The following FBLN1 variants were observed in gnomAD, a reference collection of about 807,000 sequenced individuals.
FBLN1 encodes fibulin 1.
A neutral mutation model predicts 89.7 loss-of-function variants in FBLN1; 34 were observed. The observed-to-expected ratio is 0.38, with a 90% CI of 0.29 to 0.50. The LOEUF is 0.50. Among genes scored for constraint, FBLN1 ranks in the 20% least tolerant of loss-of-function variants. FBLN1 has a pLI of 0.92. For missense variants in FBLN1, 777 were observed against 988.1 expected, an observed-to-expected ratio of 0.79 and a Z score of 2.86; for synonymous variants, 393 against 391.3, an observed-to-expected ratio of 1.00 and a Z score of -0.05.
intron 16 of FBLN1, among the ~76,000 whole-genome samples, chr22:45,598,914 G>A (rs760850459): frequency 2.6e-5 from 4 of 152,212 alleles, no homozygotes; most frequent in Non-Finnish European, 5.9e-5. Flanking sequence ...CAGCCTCTCC[G>A]CAGTGCAGTG....
At position 45,572,285 on chromosome 22, in the gene FBLN1, C is replaced by T. The variant is rs543440397; in HGVS notation, c.1698-2226C>T. ...CAGATAGCAAGAAAGCTGTGAAAGA[C>T]GACAAGGGCTGGGCCAAAAGGACCC... On this transcript the variant is annotated intron_variant, in intron 14 of 16. Coordinates refer to ENST00000327858, the MANE Select transcript of FBLN1 (RefSeq NM_006486.3). This position sits in a 1 kb window ranked among gnomAD's most constrained non-coding sequence, Gnocchi z 5.8. 3.3e-5 allele frequency among the ~76,000 whole-genome samples: 5 copies of T among 152,236 alleles called. No homozygotes were observed. The East Asian group carries it at 5.8e-4, about 18-fold the overall frequency.
Position 45,536,345 on chromosome 22 carries a change from T to A in FBLN1, c.922+1008T>A, listed in dbSNP as rs1282324885. Among the ~76,000 whole-genome samples, 1 of 151,916 alleles carries A rather than the reference T, an allele frequency of 6.6e-6. No homozygotes were observed. Among genetic ancestry groups the A allele is most frequent in the Non-Finnish European group, 1.5e-5 (1 of 68,002 alleles). ...AAGATGAAAAAGTTCTGGAGATGGA[T>A]GGGGGTGATGGTGGCACGACAGTGT... On this transcript the variant is annotated intron_variant, in intron 8 of 16. Transcript: ENST00000327858. This position sits in a 1 kb window ranked among gnomAD's most constrained non-coding sequence, Gnocchi z 5.1.
chr22:45,574,108 G>A lies in FBLN1; in HGVS notation c.1698-403G>A, dbSNP rs1024937415. 2.0e-5 allele frequency among the ~76,000 whole-genome samples: 3 copies of A among 152,290 alleles called. No individual in the cohort carries two copies. Among genetic ancestry groups the A allele is most frequent in the East Asian group, 1.9e-4 (1 of 5,192 alleles). ...GCCTCACTGTGGGCTCTGAGAAGGC[G>A]GGACCATGTGTCCCTTGTTCACTTT... On this transcript the variant is annotated intron_variant, in intron 14 of 16. Coordinates refer to ENST00000327858, the MANE Select transcript of FBLN1 (RefSeq NM_006486.3). This position sits in a 1 kb window ranked among gnomAD's most constrained non-coding sequence, Gnocchi z 4.1.
Position 45,531,470 on chromosome 22 carries a change from T to A in FBLN1, c.544+146T>A. ...AGGAGGTTGTGGCTGCAGTGAGCTA[T>A]GACTGCACCTTTGCACTCTAGCCTG... On this transcript the variant is annotated intron_variant, in intron 5 of 16. Coordinates refer to ENST00000327858, the MANE Select transcript of FBLN1 (RefSeq NM_006486.3). This position sits in a 1 kb window ranked among gnomAD's most constrained non-coding sequence, Gnocchi z 4.9. The A allele has an allele frequency of 1.4e-6, 1 of 712,262 alleles. No homozygotes were observed. The highest frequency in any genetic ancestry group is 2.5e-6 in the Non-Finnish European group (1 of 397,292). The allele number at this position is 712,262 out of a possible 1,614,324, so 44.1% of individuals were successfully genotyped here.
chr22:45,551,426 C>T (rs1055864966), intron 14 of FBLN1, among the ~76,000 whole-genome samples: 5 of 152,200 alleles, frequency 3.3e-5, no homozygotes, highest in South Asian at 2.1e-4. Flanking sequence ...CAGCTGCCCC[C>T]GCGACCTGAG....
intron 14 of FBLN1, among the ~76,000 whole-genome samples, chr22:45,568,243 CA>C (rs1355253727): frequency 4.6e-5 from 7 of 152,214 alleles, no homozygotes; most frequent in Admixed American, 3.9e-4. Context: ...GCATCAAGGT[CA>C]AATTCCATGG....
Position 45,502,927 on chromosome 22 carries a change from C to T in FBLN1, c.-59C>T, listed in dbSNP as rs908941679. 1.9e-5 allele frequency: 14 copies of T among 751,806 alleles called. 1 individual carries two copies. The highest frequency in any genetic ancestry group is 2.1e-5 in the Non-Finnish European group (13 of 605,326). 46.6% of individuals were successfully genotyped at this position (751,806 alleles called of 1,614,324 possible). A position where few individuals can be genotyped will look rare whatever the true frequency, so the allele number is the denominator to read the frequency against. On this transcript the variant is annotated 5_prime_UTR_variant, in exon 1 of 17. Coordinates refer to ENST00000327858, the MANE Select transcript of FBLN1 (RefSeq NM_006486.3). ...CCGGAGCGTGGAGCCCGCGCCGCTG[C>T]CCCAGGACCGCGCCCGCGCCTTTGT...
chr22:45,575,823 C>T lies in FBLN1; in HGVS notation c.1841-1154C>T, dbSNP rs2088992444. The stretch of plus-strand genomic sequence containing the variant: ...TTCCTGGCTGTGCTGCCCGTGTGCC[C>T]GGTCCCCAACCACCCCCGCCCTCTA... On this transcript the variant is annotated intron_variant, in intron 15 of 16. Coordinates refer to ENST00000327858, the MANE Select transcript of FBLN1 (RefSeq NM_006486.3). This position sits in a 1 kb window ranked among gnomAD's most constrained non-coding sequence, Gnocchi z 6.3. Among the ~76,000 whole-genome samples, 2 of 152,174 alleles carry T rather than the reference C, an allele frequency of 1.3e-5. No homozygotes were observed. Among genetic ancestry groups the T allele is most frequent in the South Asian group, 2.1e-4 (1 of 4,832 alleles).
rs2088806727 is a variant in FBLN1 at position 45,557,745 on chromosome 22, A to G, written c.1697+7130A>G. On this transcript the variant is annotated intron_variant, in intron 14 of 16. Transcript: ENST00000327858. This position sits in a 1 kb window ranked among gnomAD's most constrained non-coding sequence, Gnocchi z 4.9. ...AGTTTTTGACCACTCAGAGAGGTCT[A>G]TCCACATACCTCTTCCCCAAATTTC... Among the ~76,000 whole-genome samples the G allele has an allele frequency of 6.6e-6, 1 of 152,226 alleles. No homozygotes were observed. The highest frequency in any genetic ancestry group is 2.4e-5 in the African/African-American group (1 of 41,454).
chr22:45,505,557 G>A (rs2088008012), intron 1 of FBLN1, among the ~76,000 whole-genome samples: 1 of 152,220 alleles, frequency 6.6e-6, no homozygotes, highest in Non-Finnish European at 1.5e-5. Context: ...TAGGGCAGGA[G>A]TAGGGGCACG....
chr22:45,533,457 C>T (rs1300773379), intron 6 of FBLN1, among the ~76,000 whole-genome samples: 4 of 152,214 alleles, frequency 2.6e-5, no homozygotes, highest in Admixed American at 1.3e-4. Flanking sequence ...CCTTCAGCCT[C>T]TCCTGGCCCC....
chr22:45,587,430 C>T (rs1406092214), intron 16 of FBLN1, among the ~76,000 whole-genome samples: 1 of 151,138 alleles, frequency 6.6e-6, no homozygotes, highest in East Asian at 2.0e-4. Flanking sequence ...CATCCATCCC[C>T]GCTGCCCGGC....
intron 16 of FBLN1, among the ~76,000 whole-genome samples, chr22:45,587,115 G>A (rs8136296): frequency 0.68 from 102,707 of 151,392 alleles, 35,633 homozygotes; most frequent in African/African-American, 0.81. Context: ...CTCTCCCCTC[G>A]TCATGTACGT....
intron 8 of FBLN1, 108 bp from the exon 9 acceptor site, chr22:45,541,121 G>C: frequency 7.0e-7 from 1 of 1,420,918 alleles, no homozygotes; most frequent in South Asian, 1.2e-5. Flanking sequence ...CCCTCCATTT[G>C]TGGTTTTGCA....
intron 9 of FBLN1, among the ~76,000 whole-genome samples, chr22:45,541,695 T>C (rs1414484447): frequency 6.6e-6 from 1 of 152,164 alleles, no homozygotes; most frequent in East Asian, 1.9e-4. Flanking sequence ...CTGGCCCAAC[T>C]CCACAAACCT....
At chr22:45,599,378 A>C (rs185565649) in intron 16 of FBLN1, among the ~76,000 whole-genome samples, 32 of 152,302 alleles carry the variant, frequency 2.1e-4, no homozygotes, top group African/African-American at 7.7e-4. Flanking sequence ...CAGTGAGCTC[A>C]GGTGTCAGCC....
chr22:45,544,583 A>G (rs62225015), intron 11 of FBLN1, among the ~76,000 whole-genome samples: 9,284 of 152,320 alleles, frequency 0.061, 528 homozygotes, highest in Admixed American at 0.17. Context: ...TCTAAGGAAC[A>G]TGGAGGTCAG....
chr22:45,543,555 C>A (rs757513972), intron 11 of FBLN1, 29 bp downstream of exon 11: 3 of 1,609,582 alleles, frequency 1.9e-6, no homozygotes, highest in South Asian at 2.2e-5. Flanking sequence ...CCACTCACCT[C>A]CCCCAGGTCA....
At chr22:45,543,737 G>A (rs1035612762) in intron 11 of FBLN1, among the ~76,000 whole-genome samples, 1 of 152,248 alleles carries the variant, frequency 6.6e-6, no homozygotes, top group Non-Finnish European at 1.5e-5. Flanking sequence ...CTCCGAGGCC[G>A]TGTCGGGGTT....
Sources: allele counts gnomAD v4.1 joint callset (sites outside exome capture counted in the v4.1 genomes callset), GRCh38; gene constraint gnomAD v4.1.1; non-coding constraint Gnocchi (gnomAD v3.1); transcripts MANE v1.5; gene names NCBI Gene and HGNC (gene_info 2026-07-23, HGNC 2026-07-21).